GLT6D1: variants seen among roughly 807,000 people sequenced by gnomAD.
GLT6D1 encodes putative glycosyltransferase 6 domain-containing protein 1.
GLT6D1 carries 9 observed loss-of-function variants against 12.3 expected under a neutral mutation model. The observed-to-expected ratio is 0.73, with a 90% CI of 0.44 to 1.27. The LOEUF (loss-of-function observed/expected upper bound fraction) is 1.27, where lower values mean the gene tolerates loss of function less well. Among genes scored for constraint, GLT6D1 ranks in the 50% most tolerant of loss-of-function variants. The probability of loss-of-function intolerance (pLI) is 0.00; values close to 1 mark genes in which losing one functional copy is unlikely to be tolerated. For synonymous variants in GLT6D1, 128 were observed against 132.3 expected (o/e 0.97, Z 0.23); for missense variants, 335 against 346.2 (o/e 0.97, Z 0.26).
chr9:135,636,862 T>C (rs751484718), intron 2 of GLT6D1, among the ~76,000 whole-genome samples: 6 of 152,188 alleles, frequency 3.9e-5, no homozygotes, highest in Non-Finnish European at 8.8e-5. Context: ...TTTTTTCTTT[T>C]TTTTGGGGGG....
chr9:135,634,804 T>C (rs975878039), intron 2 of GLT6D1, among the ~76,000 whole-genome samples: 1 of 151,896 alleles, frequency 6.6e-6, no homozygotes. Flanking sequence ...CTCAGCCTCC[T>C]GTCTGCACAG....
upstream of GLT6D1, among the ~76,000 whole-genome samples, chr9:135,641,169 T>TCAC (rs57764598): frequency 6.6e-6 from 1 of 151,702 alleles, no homozygotes; most frequent in Non-Finnish European, 1.5e-5. Context: ...CTTCTAAGCA[T>TCAC]ATCTTTTGGT....
upstream of GLT6D1, among the ~76,000 whole-genome samples, chr9:135,639,842 C>CTTT (rs5901082): frequency 1.3e-4 from 17 of 126,790 alleles, no homozygotes; most frequent in African/African-American, 3.5e-4. Flanking sequence ...CTGATTTTCA[C>CTTT]TTTTTTTTTT....
Position 135,624,066 on chromosome 9 carries a change from C to T in GLT6D1, c.*31G>A. The stretch of plus-strand genomic sequence containing the variant: ...TGGATCTGTGGAGGAGGAGAAAATG[C>T]AAGATCCCAGCTGTATGCTGGTGAT... On this transcript the variant is annotated 3_prime_UTR_variant, in exon 5 of 5. Transcript: ENST00000371763. 7.0e-7 allele frequency: 1 copy of T among 1,431,448 alleles called. No individual in the cohort carries two copies. Among genetic ancestry groups the T allele is most frequent in the Non-Finnish European group, 9.7e-7 (1 of 1,029,378 alleles). 88.7% of individuals were successfully genotyped at this position (1,431,448 alleles called of 1,614,324 possible).
At chr9:135,628,310 C>T (rs556089591) in intron 3 of GLT6D1, among the ~76,000 whole-genome samples, 17 of 152,048 alleles carry the variant, frequency 1.1e-4, no homozygotes, top group African/African-American at 2.2e-4. Context: ...TTTTGTCAAA[C>T]GCTTTTTCTG....
chr9:135,632,633 G>GT (rs1374589551), intron 2 of GLT6D1, among the ~76,000 whole-genome samples: 1 of 149,882 alleles, frequency 6.7e-6, no homozygotes, highest in Non-Finnish European at 1.5e-5. Flanking sequence ...GAGGGTTATT[G>GT]TAACCTAAAG....
At chr9:135,628,910 C>T (rs1360612872) in intron 3 of GLT6D1, among the ~76,000 whole-genome samples, 1 of 152,050 alleles carries the variant, frequency 6.6e-6, no homozygotes, top group Non-Finnish European at 1.5e-5. Context: ...CATGTCCCCT[C>T]TTTCACTCCT....
At chr9:135,639,271 T>G in intron 1 of GLT6D1, 22 bp downstream of exon 1, 1 of 768,354 alleles carries the variant, frequency 1.3e-6, no homozygotes, top group Non-Finnish European at 2.2e-6. Context: ...AATGGGTTAA[T>G]GTATGGGCAT....
chr9:135,631,566 G>T, intron 2 of GLT6D1, 88 bp from the exon 3 acceptor site: 2 of 968,070 alleles, frequency 2.1e-6, no homozygotes, highest in Admixed American at 1.7e-5. Flanking sequence ...TTGGTGTTTC[G>T]TCAACATGCA....
Position 135,624,724 on chromosome 9 carries a change from C to CTTTTTTTTTT in GLT6D1, c.258-64_258-55dup, listed in dbSNP as rs72471205. 9.0e-5 allele frequency: 51 copies of CTTTTTTTTTT among 565,530 alleles called. 2 individuals carry two copies. The highest frequency in any genetic ancestry group is 6.6e-4 in the African/African-American group (20 of 30,174). 35.0% of individuals were successfully genotyped at this position (565,530 alleles called of 1,614,324 possible). On this transcript the variant is annotated intron_variant, in intron 4 of 4. Coordinates refer to ENST00000371763, the MANE Select transcript of GLT6D1 (RefSeq NM_182974.3). ...TACTTTTCTCTTTTTTCTTTTCTTT[C>CTTTTTTTTTT]TTTTTTTTTTTTTTTTTTTTTTTGA...
At chr9:135,629,706 G>A (rs563200323) in intron 3 of GLT6D1, among the ~76,000 whole-genome samples, 263 of 152,228 alleles carry the variant, frequency 1.7e-3, no homozygotes, top group African/African-American at 5.7e-3. Flanking sequence ...AGCTATTCTT[G>A]TTGAATTGTC....
chr9:135,634,500 G>A (rs370717872), intron 2 of GLT6D1, among the ~76,000 whole-genome samples: 1 of 18,606 alleles, frequency 5.4e-5, no homozygotes, highest in African/African-American at 2.1e-4. Flanking sequence ...CCCCTTTTTT[G>A]TTTCAATCAA....
At chr9:135,637,610 C>T (rs992886514) in intron 2 of GLT6D1, among the ~76,000 whole-genome samples, 2 of 152,050 alleles carry the variant, frequency 1.3e-5, no homozygotes, top group Admixed American at 6.6e-5. Flanking sequence ...GTAGTGGTAT[C>T]TCCTTGTTTT....
At chr9:135,637,596 G>C (rs1054901784) in intron 2 of GLT6D1, among the ~76,000 whole-genome samples, 2 of 152,038 alleles carry the variant, frequency 1.3e-5, no homozygotes, top group Non-Finnish European at 2.9e-5. Context: ...GTTCTAATGG[G>C]TGTGTAGTGG....
In GLT6D1 at chr9:135,634,192, G is replaced by A. The variant is rs150204609; in HGVS notation, c.72-2714C>T. Among the ~76,000 whole-genome samples, 496 of 152,162 alleles carry A rather than the reference G, an allele frequency of 3.3e-3. 2 individuals are homozygous for A. Among genetic ancestry groups the A allele is most frequent in the African/African-American group, 7.9e-3 (327 of 41,508 alleles). On this transcript the variant is annotated intron_variant, in intron 2 of 4. Transcript: ENST00000371763. ...CTCCCAGGCTGGAGTGCAGTGGTGC[G>A]ATTTCAGCTCACTGCAACCTCCGCC... is the stretch of plus-strand genomic sequence containing the variant.
Position 135,623,870 on chromosome 9 carries a change from G to A in GLT6D1, c.*227C>T. 2.1e-6 allele frequency: 1 copy of A among 468,366 alleles called. No homozygotes were observed. Among genetic ancestry groups the A allele is most frequent in the Non-Finnish European group, 3.8e-6 (1 of 265,892 alleles). 29.0% of individuals were successfully genotyped at this position (468,366 alleles called of 1,614,324 possible). Reference sequence around the variant, plus strand: ...TTAGCCAAATAAGATGGCTCAAAATGGCAAGAAGAAACATTTATTTGGGAA... The same window carrying A: ...TTAGCCAAATAAGATGGCTCAAAATAGCAAGAAGAAACATTTATTTGGGAA... On this transcript the variant is annotated 3_prime_UTR_variant, in exon 5 of 5. Transcript: ENST00000371763.
rs760749478 is a variant in GLT6D1, at chr9:135,624,136, C to CT, written c.791dup (p.His265AlafsTer3). ...TGAGGTAAAAATATTTGTTAAGGTG[C>CT]TTTTCATAAGTGCTATTGAGTCCAT... is the stretch of plus-strand genomic sequence containing the variant. On this transcript the variant is annotated frameshift_variant, in exon 5 of 5. Transcript: ENST00000371763. LOFTEE classifies it high-confidence loss of function. 5.0e-6 allele frequency: 8 copies of CT among 1,613,138 alleles called. No homozygotes were observed. The Admixed American group carries it at 1.3e-4, about 27-fold the overall frequency.
intron 4 of GLT6D1, 59 bp downstream of exon 4, chr9:135,626,010 C>G (rs1190146826): frequency 1.1e-5 from 18 of 1,584,678 alleles, no homozygotes; most frequent in Non-Finnish European, 1.6e-5. Flanking sequence ...GTTAAAGGCT[C>G]GTGAATGCTG....
rs760116747 is a variant in GLT6D1 at position 135,624,645 on chromosome 9, A to G, written c.283T>C (p.Phe95Leu). 2 of 1,596,384 alleles carry G rather than the reference A, an allele frequency of 1.3e-6. No individual in the cohort carries two copies. Among genetic ancestry groups the G allele is most frequent in the African/African-American group, 2.7e-5 (2 of 74,338 alleles). ...GRFAEEYLRPFLHSANKHFMT... is the reference protein window; with the variant it reads ...GRFAEEYLRPLLHSANKHFMT... ...AAGTGCTTATTTGCGGAGTGTAGGA[A>G]CGGCCTCAGGTACTCCTCTGCAAAC... The change falls in exon 5 of 5, where the codon TTC (phenylalanine) becomes CTC (leucine). Residue 95 changes from phenylalanine to leucine, a missense_variant. Transcript: ENST00000371763.
Sources: allele counts gnomAD v4.1 joint callset (sites outside exome capture counted in the v4.1 genomes callset), GRCh38; gene constraint gnomAD v4.1.1; transcripts MANE v1.5; gene names NCBI Gene and HGNC (gene_info 2026-07-23, HGNC 2026-07-21).